PALD1: variants seen among roughly 807,000 people sequenced by gnomAD.
PALD1 encodes phosphatase domain containing paladin 1, also known as paladin.
A neutral mutation model predicts 96.0 loss-of-function variants in PALD1; 57 were observed. The observed-to-expected ratio is 0.59, with a 90% CI of 0.48 to 0.74. PALD1 has a LOEUF of 0.74. Among genes scored for constraint, PALD1 ranks in the 30% least tolerant of loss-of-function variants. The pLI, the probability that PALD1 is intolerant of heterozygous loss-of-function variation, is 0.00. For synonymous variants in PALD1, 464 were observed against 473.6 expected, an observed-to-expected ratio of 0.98 and a Z score of 0.26; for missense variants, 1,063 against 1,143.7, an observed-to-expected ratio of 0.93 and a Z score of 1.02.
chr10:70,491,180 C>T (rs1044616950), intron 1 of PALD1, among the ~76,000 whole-genome samples: 31 of 152,146 alleles, frequency 2.0e-4, no homozygotes, highest in Non-Finnish European at 5.9e-5. Context: ...CTCCTGACTT[C>T]GTGATCCACT....
chr10:70,521,991 C>G (rs1033421257), intron 1 of PALD1, among the ~76,000 whole-genome samples: 4 of 152,154 alleles, frequency 2.6e-5, no homozygotes, highest in African/African-American at 9.7e-5. Flanking sequence ...AAATAATAAA[C>G]AGTAAACAAA....
At chr10:70,484,524 C>CTTTTA (rs1564680759) in intron 1 of PALD1, among the ~76,000 whole-genome samples, 1 of 151,326 alleles carries the variant, frequency 6.6e-6, no homozygotes, top group African/African-American at 2.4e-5. Flanking sequence ...ACTGCCCATT[C>CTTTTA]TTTTATTTTA....
At position 70,546,593 on chromosome 10, in the gene PALD1, G is replaced by A. The variant is rs192302425; in HGVS notation, c.2122-713G>A. Among the ~76,000 whole-genome samples, 439 of 152,202 alleles carry A rather than the reference G, an allele frequency of 2.9e-3. 1 individual carries two copies. Among genetic ancestry groups the A allele is most frequent in the Non-Finnish European group, 3.9e-3 (268 of 68,016 alleles). ...AAGACATTAAGTTGTGGATTGGTGG[G>A]GCTTATGCCACAGTTTATCAACACT... On this transcript the variant is annotated intron_variant, in intron 17 of 19. Transcript: ENST00000263563.
intron 2 of PALD1, among the ~76,000 whole-genome samples, chr10:70,526,612 C>A (rs1034528031): frequency 1.3e-5 from 2 of 152,148 alleles, no homozygotes; most frequent in Non-Finnish European, 2.9e-5. Flanking sequence ...CTTGTTCTGG[C>A]AGCATGTTCT....
At chr10:70,542,354 C>A (rs1847268519) in intron 17 of PALD1, among the ~76,000 whole-genome samples, 1 of 152,214 alleles carries the variant, frequency 6.6e-6, no homozygotes, top group African/African-American at 2.4e-5. Context: ...TAAGTACATT[C>A]ACGTTGTTGT....
intron 17 of PALD1, among the ~76,000 whole-genome samples, 193 bp from the exon 18 acceptor site, chr10:70,547,113 G>A (rs1847382086): frequency 6.6e-6 from 1 of 152,168 alleles, no homozygotes; most frequent in Non-Finnish European, 1.5e-5. Context: ...AAGCATCTGG[G>A]TAGCCTGGCC....
chr10:70,557,188 G>A (rs1847628682), intron 18 of PALD1, among the ~76,000 whole-genome samples: 1 of 152,196 alleles, frequency 6.6e-6, no homozygotes, highest in African/African-American at 2.4e-5. Context: ...TGGCCTGCTG[G>A]ACCCCTGTTT....
intron 2 of PALD1, among the ~76,000 whole-genome samples, chr10:70,528,786 T>C (rs949159690): frequency 2.0e-5 from 3 of 152,198 alleles, no homozygotes; most frequent in Non-Finnish European, 4.4e-5. Flanking sequence ...TTCTCCCTCA[T>C]TGCTCCAACA....
chr10:70,494,983 G>T (rs1589173896), intron 1 of PALD1, among the ~76,000 whole-genome samples: 1 of 152,332 alleles, frequency 6.6e-6, no homozygotes, highest in East Asian at 1.9e-4. Flanking sequence ...CACATCTTTA[G>T]CTCAGCCTCC....
chr10:70,531,147 C>T, intron 4 of PALD1, 143 bp from the exon 5 acceptor site: 6 of 676,634 alleles, frequency 8.9e-6, no homozygotes, highest in Non-Finnish European at 1.5e-5. Flanking sequence ...AGCTTTGTTT[C>T]TTGGGTAGGA....
chr10:70,473,576 G>A, the PALD1 span, among the ~76,000 whole-genome samples: 3 of 152,236 alleles, frequency 2.0e-5, no homozygotes, highest in African/African-American at 4.8e-5. Flanking sequence ...GAACTTGTCT[G>A]CCTCATTCAC....
At position 70,538,286 on chromosome 10, in the gene PALD1, C is replaced by T; in HGVS notation, c.1330C>T (p.Leu444=). ...FNYYLHEQYP[L]AFALSFSRWL... Reference sequence around the variant, plus strand: ...TCTCTGCCTCGGGCTGCAGTACCCGCTGGCCTTTGCCCTCAGTTTCAGCCG... The same window carrying T: ...TCTCTGCCTCGGGCTGCAGTACCCGTTGGCCTTTGCCCTCAGTTTCAGCCG... Residue 444 remains leucine, a synonymous_variant, in exon 12 of 20, where the codon CTG becomes TTG. Transcript: ENST00000263563. 1.2e-6 allele frequency: 2 copies of T among 1,602,326 alleles called. No homozygotes were observed. Among genetic ancestry groups the T allele is most frequent in the Non-Finnish European group, 1.7e-6 (2 of 1,179,938 alleles).
chr10:70,498,600 G>C (rs117999215), intron 1 of PALD1, among the ~76,000 whole-genome samples: 3,213 of 140,150 alleles, frequency 0.023, 63 homozygotes, highest in Non-Finnish European at 0.037. Flanking sequence ...TTTTTTTTTT[G>C]AGGCTGTAAT....
chr10:70,497,239 C>G (rs1348529453), intron 1 of PALD1, among the ~76,000 whole-genome samples: 1 of 152,264 alleles, frequency 6.6e-6, no homozygotes, highest in Non-Finnish European at 1.5e-5. Context: ...GCATCTTGAG[C>G]CTGGGATGGT....
chr10:70,521,641 C>T (rs1846738493), intron 1 of PALD1, among the ~76,000 whole-genome samples: 3 of 151,952 alleles, frequency 2.0e-5, no homozygotes, highest in Admixed American at 6.6e-5. Flanking sequence ...CAAGGATTCT[C>T]CTGCCTCAGC....
chr10:70,474,729 C>T (rs567642533), upstream of PALD1, among the ~76,000 whole-genome samples: 84 of 152,262 alleles, frequency 5.5e-4, no homozygotes, highest in South Asian at 1.7e-3. Flanking sequence ...AGTCGGGGGA[C>T]GTAATCCTTA....
the PALD1 span, among the ~76,000 whole-genome samples, chr10:70,468,702 C>CTG: frequency 0.18 from 21,742 of 123,624 alleles, 1,956 homozygotes; most frequent in Non-Finnish European, 0.19. Context: ...TGAGGCAGGA[C>CTG]TGTGTGTGTG....
At chr10:70,521,883 CCTT>C (rs902054196) in intron 1 of PALD1, among the ~76,000 whole-genome samples, 1 of 151,746 alleles carries the variant, frequency 6.6e-6, no homozygotes, top group Non-Finnish European at 1.5e-5. Flanking sequence ...CCCATGGACT[CCTT>C]CTCAGAATGC....
At chr10:70,514,426 A>C (rs1282988287) in intron 1 of PALD1, among the ~76,000 whole-genome samples, 1 of 151,928 alleles carries the variant, frequency 6.6e-6, no homozygotes, top group Non-Finnish European at 1.5e-5. Context: ...ATAATTTAGC[A>C]GGTGAAGGGT....
Sources: gnomAD v4.1 joint callset for allele counts (sites outside exome capture counted in the v4.1 genomes callset) on GRCh38, gnomAD v4.1.1 for gene constraint, MANE v1.5 for transcripts, NCBI Gene and HGNC (gene_info 2026-07-23, HGNC 2026-07-21) for gene names.